Variants in SAMSN1 observed in about 807,000 individuals in gnomAD.
SAMSN1 encodes the protein SAM domain, SH3 domain and nuclear localization signals 1.
In SAMSN1, 31 loss-of-function variants were observed where a neutral mutation model predicts 42.0. The observed-to-expected ratio is 0.74, with a 90% CI of 0.55 to 1.00. SAMSN1 has a LOEUF of 1.00. SAMSN1 is among the 50% of genes least tolerant of loss of function. The pLI, the probability that SAMSN1 is intolerant of heterozygous loss-of-function variation, is 0.00. For missense variants in SAMSN1, 464 were observed against 439.4 expected (o/e 1.06, Z -0.50); for synonymous variants, 178 against 151.9 (o/e 1.17, Z -1.26).
At chr21:14,551,532 C>A (rs1980596190) in intron 2 of SAMSN1, among the ~76,000 whole-genome samples, 1 of 151,868 alleles carries the variant, frequency 6.6e-6, no homozygotes, top group Non-Finnish European at 1.5e-5. Context: ...CAGATTACTT[C>A]AATAAATTAT....
chr21:14,510,903 AGT>A (rs1334300167), intron 4 of SAMSN1, among the ~76,000 whole-genome samples: 4 of 152,232 alleles, frequency 2.6e-5, no homozygotes, highest in African/African-American at 9.6e-5. Context: ...GGAAGGAGAA[AGT>A]GTGTCTGAAT....
intron 7 of SAMSN1, chr21:14,592,553 C>G: frequency 3.5e-6 from 1 of 286,088 alleles, no homozygotes. Flanking sequence ...AGGATTGGAT[C>G]ACAGGAATTC....
chr21:14,577,306 G>A (rs1298675563), intron 2 of SAMSN1, among the ~76,000 whole-genome samples: 2 of 113,724 alleles, frequency 1.8e-5, no homozygotes, highest in Non-Finnish European at 3.5e-5. Flanking sequence ...GAAGAGACAG[G>A]GTTTTACTGT....
intron 2 of SAMSN1, among the ~76,000 whole-genome samples, chr21:14,625,942 T>C (rs1423255738): frequency 6.6e-6 from 1 of 152,118 alleles, no homozygotes; most frequent in Non-Finnish European, 1.5e-5. Context: ...TATAGACCAA[T>C]GGAACAGAAC....
intron 7 of SAMSN1, among the ~76,000 whole-genome samples, chr21:14,487,976 T>C (rs1422263142): frequency 6.6e-6 from 1 of 152,078 alleles, no homozygotes; most frequent in Non-Finnish European, 1.5e-5. Context: ...TGAGTATCAG[T>C]CATTCACTCT....
At chr21:14,490,999 C>T (rs1221505013) in intron 7 of SAMSN1, among the ~76,000 whole-genome samples, 2 of 152,148 alleles carry the variant, frequency 1.3e-5, no homozygotes, top group East Asian at 3.8e-4. Context: ...GGGCTTTGGT[C>T]CCAGGAAATA....
intron 5 of SAMSN1, among the ~76,000 whole-genome samples, chr21:14,506,571 A>G (rs114354315): frequency 1.3e-5 from 2 of 152,166 alleles, no homozygotes; most frequent in Non-Finnish European, 2.9e-5. Flanking sequence ...CAACAAAAAA[A>G]GTTGAGGACC....
chr21:14,532,968 C>T (rs1408109650), intron 1 of SAMSN1, among the ~76,000 whole-genome samples: 14 of 151,938 alleles, frequency 9.2e-5, no homozygotes, highest in African/African-American at 2.4e-4. Flanking sequence ...GACTGGAGTG[C>T]GGTGATGTGA....
chr21:14,597,785 T>A (rs1027178887), intron 6 of SAMSN1: 4 of 152,182 alleles, frequency 2.6e-5, no homozygotes, highest in African/African-American at 9.7e-5. Context: ...TGTTCCACCA[T>A]CCTTCATGTG....
At chr21:14,569,286 C>A (rs1433225326) in intron 2 of SAMSN1, among the ~76,000 whole-genome samples, 1 of 152,096 alleles carries the variant, frequency 6.6e-6, no homozygotes, top group African/African-American at 2.4e-5. Context: ...CAGAGCAAGA[C>A]CCTATCTCTA....
intron 4 of SAMSN1, among the ~76,000 whole-genome samples, chr21:14,511,764 C>T (rs1239097201): frequency 6.6e-6 from 1 of 152,168 alleles, no homozygotes; most frequent in Admixed American, 6.5e-5. Flanking sequence ...TTGACTAAAT[C>T]CTGAGTGATT....
At chr21:14,502,156 T>C (rs1011926254) in intron 5 of SAMSN1, among the ~76,000 whole-genome samples, 1 of 152,216 alleles carries the variant, frequency 6.6e-6, no homozygotes, top group Non-Finnish European at 1.5e-5. Flanking sequence ...TGTTCTTCCA[T>C]CTAAAAAACA....
chr21:14,573,121 T>C (rs1438509800), intron 2 of SAMSN1, among the ~76,000 whole-genome samples: 1 of 152,152 alleles, frequency 6.6e-6, no homozygotes, highest in Non-Finnish European at 1.5e-5. Context: ...CATGAACCAC[T>C]CAAGGTGGCA....
chr21:14,599,057 A>G (rs147094816), intron 6 of SAMSN1, among the ~76,000 whole-genome samples: 2 of 152,322 alleles, frequency 1.3e-5, no homozygotes, highest in East Asian at 3.9e-4. Flanking sequence ...TATAAAGTCA[A>G]AATCATGAGA....
intron 4 of SAMSN1, among the ~76,000 whole-genome samples, chr21:14,510,728 G>C (rs548340666): frequency 6.6e-6 from 1 of 152,034 alleles, no homozygotes; most frequent in African/African-American, 2.4e-5. Flanking sequence ...CTCCGTAATC[G>C]GATCCAGTGC....
chr21:14,493,596 C>T (rs1189506613), intron 7 of SAMSN1, among the ~76,000 whole-genome samples: 1 of 150,684 alleles, frequency 6.6e-6, no homozygotes, highest in Non-Finnish European at 1.5e-5. Context: ...CACACACACA[C>T]ACACACACAC....
chr21:14,521,216 G>C lies in SAMSN1; in HGVS notation c.63C>G (p.Ser21Arg). ...EKEKHQKPKRSSSFGNFDRFR... is the reference protein window; with the variant it reads ...EKEKHQKPKRRSSFGNFDRFR... ...AACGATCGAAATTCCCAAAACTGCT[G>C]CTTCGCTATAAAATAGAAAAGAAAA... Residue 21 changes from serine to arginine, a missense_variant, in exon 2 of 8, where the codon AGC (serine) becomes AGG (arginine). Transcript: ENST00000400566. 6.2e-7 allele frequency: 1 copy of C among 1,608,812 alleles called. No homozygotes were observed. Among genetic ancestry groups the C allele is most frequent in the East Asian group, 2.2e-5 (1 of 44,750 alleles).
rs564819467 is a variant in SAMSN1 at position 14,534,326 on chromosome 21, C to T, written c.57+11879G>A. On this transcript the variant is annotated intron_variant, in intron 1 of 7. Transcript: ENST00000400566. ...GAAAGTCAGGTAGACCGAGTTCAAT[C>T]CCTCTTGAATCCTCAACAAAAATCC... 3.3e-5 allele frequency among the ~76,000 whole-genome samples: 5 copies of T among 152,228 alleles called. No homozygotes were observed. In the South Asian group the frequency reaches 1.0e-3, roughly 32 times the overall value.
chr21:14,557,524 C>T (rs1980802096), intron 2 of SAMSN1, among the ~76,000 whole-genome samples: 1 of 152,176 alleles, frequency 6.6e-6, no homozygotes, highest in Non-Finnish European at 1.5e-5. Context: ...CCTGTACACA[C>T]ATCATTGCTC....
Sources: allele counts gnomAD v4.1 joint callset (sites outside exome capture counted in the v4.1 genomes callset), GRCh38; gene constraint gnomAD v4.1.1; transcripts MANE v1.5; gene names NCBI Gene and HGNC (gene_info 2026-07-23, HGNC 2026-07-21).